Variants in ZMYM2 observed in about 807,000 individuals in gnomAD.
ZMYM2 encodes the protein zinc finger MYM-type protein 2.
Under a neutral mutation model 162.8 loss-of-function variants are expected in ZMYM2, and 56 were observed. That is an observed-to-expected ratio of 0.34 (90% CI 0.28 to 0.43). The LOEUF is 0.43. ZMYM2 is among the 20% of genes least tolerant of loss of function. The pLI is 1.00. For synonymous variants in ZMYM2, 510 were observed against 541.6 expected, an observed-to-expected ratio of 0.94 and a Z score of 0.81; for missense variants, 1,275 against 1,621.8, an observed-to-expected ratio of 0.79 and a Z score of 3.67.
the ZMYM2 span, among the ~76,000 whole-genome samples, chr13:19,948,771 G>C: frequency 6.6e-6 from 1 of 152,236 alleles, no homozygotes; most frequent in African/African-American, 2.4e-5. Context: ...GGAAGGCTAT[G>C]CAGGTGTGGA....
At chr13:19,890,736 G>A in the ZMYM2 span, among the ~76,000 whole-genome samples, 2 of 151,648 alleles carry the variant, frequency 1.3e-5, no homozygotes, top group South Asian at 4.1e-4. Context: ...GCCAGGCATG[G>A]TGGCAGGTGC....
the ZMYM2 span, among the ~76,000 whole-genome samples, chr13:19,943,450 A>C: frequency 4.6e-5 from 7 of 152,190 alleles, no homozygotes. Flanking sequence ...CCGACATCCC[A>C]ATTAGCTCTT....
the ZMYM2 span, among the ~76,000 whole-genome samples, chr13:19,866,046 A>T: frequency 6.7e-6 from 1 of 148,750 alleles, no homozygotes; most frequent in Non-Finnish European, 1.5e-5. Context: ...AATACTTAAG[A>T]TTTTTTTTTT....
chr13:20,016,608 C>G (rs1024948545), intron 6 of ZMYM2, among the ~76,000 whole-genome samples: 8 of 152,170 alleles, frequency 5.3e-5, no homozygotes, highest in Non-Finnish European at 1.0e-4. Flanking sequence ...GATAGTTTTG[C>G]TGGACATAGT....
the ZMYM2 span, among the ~76,000 whole-genome samples, chr13:19,915,900 C>T: frequency 6.7e-6 from 1 of 149,446 alleles, no homozygotes; most frequent in African/African-American, 2.5e-5. Flanking sequence ...CACTCTGTTG[C>T]CCAGGCTGGA....
chr13:20,059,917 CCAGCTA>C (rs1338774439), intron 16 of ZMYM2, among the ~76,000 whole-genome samples: 5 of 152,088 alleles, frequency 3.3e-5, no homozygotes, highest in African/African-American at 1.2e-4. Context: ...ACCTGTAATC[CCAGCTA>C]CTTGGGAGGC....
At chr13:19,945,696 A>G in the ZMYM2 span, among the ~76,000 whole-genome samples, 1 of 152,104 alleles carries the variant, frequency 6.6e-6, no homozygotes, top group Non-Finnish European at 1.5e-5. Flanking sequence ...AAAATTTATC[A>G]GATTTGCTAA....
At chr13:19,985,849 C>A (rs148796319) in intron 2 of ZMYM2, among the ~76,000 whole-genome samples, 5 of 151,834 alleles carry the variant, frequency 3.3e-5, no homozygotes, top group Admixed American at 1.3e-4. Flanking sequence ...ATACTACAGC[C>A]TGGGCAACAG....
chr13:19,866,262 T>C, the ZMYM2 span, among the ~76,000 whole-genome samples: 1 of 151,936 alleles, frequency 6.6e-6, no homozygotes, highest in Admixed American at 6.6e-5. Flanking sequence ...AAGAATTAAA[T>C]AAATTATCAC....
intron 2 of ZMYM2, among the ~76,000 whole-genome samples, chr13:19,971,870 TA>T (rs956440099): frequency 2.8e-4 from 42 of 148,476 alleles, no homozygotes; most frequent in African/African-American, 8.1e-4. Context: ...TAGAGCAAGT[TA>T]AAAAAAAAAC....
At chr13:19,909,262 A>C in the ZMYM2 span, among the ~76,000 whole-genome samples, 1 of 152,156 alleles carries the variant, frequency 6.6e-6, no homozygotes. Flanking sequence ...TAATTACTTA[A>C]AAATCTTTCC....
At position 20,083,481 on chromosome 13, in the gene ZMYM2, T is replaced by C. The variant is rs934868344; in HGVS notation, c.3821-175T>C. ...CAGTTTTATAAAATAAGACAACCTA[T>C]GTCTTAAGATGTCTCAGTTCCTTTT... On this transcript the variant is annotated intron_variant, in intron 23 of 24. Coordinates refer to ENST00000610343, the MANE Select transcript of ZMYM2 (RefSeq NM_197968.4). 1.0e-5 allele frequency: 6 copies of C among 593,042 alleles called. No individual in the cohort carries two copies. In the African/African-American group the frequency reaches 1.1e-4, roughly 11 times the overall value. 36.7% of individuals were successfully genotyped at this position (593,042 alleles called of 1,614,324 possible). A position where few individuals can be genotyped will look rare whatever the true frequency, so the allele number is the denominator to read the frequency against.
chr13:19,998,881 T>G (rs1450149955), intron 3 of ZMYM2, among the ~76,000 whole-genome samples: 3 of 152,126 alleles, frequency 2.0e-5, no homozygotes, highest in African/African-American at 7.2e-5. Flanking sequence ...AAGGGCAGCT[T>G]TTATGTATGG....
intron 2 of ZMYM2, among the ~76,000 whole-genome samples, chr13:19,969,857 GA>G (rs1373591228): frequency 6.6e-6 from 1 of 150,738 alleles, no homozygotes; most frequent in African/African-American, 2.4e-5. Context: ...AACATCTCAA[GA>G]AAAAAATGCT....
chr13:20,075,658 A>T (rs1178153362), intron 21 of ZMYM2, among the ~76,000 whole-genome samples: 2 of 142,064 alleles, frequency 1.4e-5, no homozygotes, highest in African/African-American at 5.3e-5. Flanking sequence ...TTATGAATAG[A>T]ACTATAGACA....
intron 20 of ZMYM2, 67 bp downstream of exon 20, chr13:20,067,086 T>G: frequency 6.8e-7 from 1 of 1,464,082 alleles, no homozygotes; most frequent in Non-Finnish European, 9.1e-7. Flanking sequence ...TTGAGTACCT[T>G]TAAATTTAAA....
chr13:20,062,240 A>T (rs1008431531), intron 17 of ZMYM2, among the ~76,000 whole-genome samples: 6 of 152,234 alleles, frequency 3.9e-5, no homozygotes, highest in African/African-American at 1.4e-4. Context: ...GCTAAGTGGA[A>T]TAGGGTAAGA....
At chr13:19,885,911 ATATACACATATATATGTG>A in the ZMYM2 span, among the ~76,000 whole-genome samples, 574 of 25,612 alleles carry the variant, frequency 0.022, 203 homozygotes, top group Middle Eastern at 0.17. Context: ...ATATATATGT[ATATACACATATATATGTG>A]TATACACATA....
chr13:20,034,144 G>T, intron 10 of ZMYM2, 110 bp from the exon 11 acceptor site: 1 of 995,998 alleles, frequency 1.0e-6, no homozygotes, highest in Non-Finnish European at 1.3e-6. Flanking sequence ...TATCCCCAAG[G>T]GTCTTAACAT....
Sources: gnomAD v4.1 joint callset for allele counts (sites outside exome capture counted in the v4.1 genomes callset) on GRCh38, gnomAD v4.1.1 for gene constraint, MANE v1.5 for transcripts, NCBI Gene and HGNC (gene_info 2026-07-23, HGNC 2026-07-21) for gene names.